The following CYP7B1 variants were observed in gnomAD, a reference collection of about 807,000 sequenced individuals.
CYP7B1 encodes the protein cytochrome P450 family 7 subfamily B member 1, also known as cytochrome P450 7B1.
CYP7B1 carries 29 observed loss-of-function variants against 42.7 expected under a neutral mutation model. That is an observed-to-expected ratio of 0.68 (90% confidence interval 0.51 to 0.93). CYP7B1 has a LOEUF of 0.93. Among genes scored for constraint, CYP7B1 ranks in the 40% least tolerant of loss-of-function variants. CYP7B1 has a pLI of 0.00. For missense variants in CYP7B1, 655 were observed against 600.5 expected (o/e 1.09, Z -0.95); for synonymous variants, 235 against 218.2 (o/e 1.08, Z -0.68).
intron 1 of CYP7B1, among the ~76,000 whole-genome samples, chr8:64,772,107 C>T (rs892118055): frequency 6.6e-6 from 1 of 152,208 alleles, no homozygotes; most frequent in African/African-American, 2.4e-5. Context: ...TACAGACTCT[C>T]AGCACCACCA....
chr8:64,715,651 GC>G (rs1807143897), intron 1 of CYP7B1, among the ~76,000 whole-genome samples: 1 of 150,256 alleles, frequency 6.7e-6, no homozygotes, highest in South Asian at 2.1e-4. Context: ...AAAATCACTG[GC>G]AACAGAGGGA....
chr8:64,778,547 G>A (rs1325208242), intron 1 of CYP7B1, among the ~76,000 whole-genome samples: 1 of 152,044 alleles, frequency 6.6e-6, no homozygotes, highest in African/African-American at 2.4e-5. Context: ...AATAGTAACT[G>A]CAGCGATGAC....
At chr8:64,751,203 A>C (rs1807720371) in intron 1 of CYP7B1, among the ~76,000 whole-genome samples, 1 of 152,188 alleles carries the variant, frequency 6.6e-6, no homozygotes, top group Non-Finnish European at 1.5e-5. Context: ...GAAGAAAATA[A>C]ATGTGACCTG....
At chr8:64,730,320 T>G (rs1458558493) in intron 1 of CYP7B1, among the ~76,000 whole-genome samples, 1 of 152,062 alleles carries the variant, frequency 6.6e-6, no homozygotes, top group Admixed American at 6.6e-5. Context: ...TCCACCCTCC[T>G]CAGGCTCCCA....
At chr8:64,754,957 AG>A (rs1807785020) in intron 1 of CYP7B1, among the ~76,000 whole-genome samples, 2 of 152,282 alleles carry the variant, frequency 1.3e-5, no homozygotes, top group South Asian at 4.1e-4. Flanking sequence ...CCAGAGGTGA[AG>A]TTTTCAAGGA....
chr8:64,691,121 A>G (rs1020884230), intron 1 of CYP7B1, among the ~76,000 whole-genome samples: 17 of 152,346 alleles, frequency 1.1e-4, no homozygotes, highest in African/African-American at 4.1e-4. Context: ...CTTCAACATT[A>G]TACAACATCC....
chr8:64,586,664 TTAAACAAAATTAAA>T, downstream of CYP7B1, among the ~76,000 whole-genome samples: 1 of 152,294 alleles, frequency 6.6e-6, no homozygotes, highest in South Asian at 2.1e-4. Flanking sequence ...AAAGGTGCCT[TTAAACAAAATTAAA>T]TGGCAAAACC....
At chr8:64,734,968 CT>C (rs1401590787) in intron 1 of CYP7B1, among the ~76,000 whole-genome samples, 2 of 152,114 alleles carry the variant, frequency 1.3e-5, no homozygotes, top group African/African-American at 4.8e-5. Context: ...CATCCCCAAA[CT>C]TTTTGGCACC....
chr8:64,709,742 C>T (rs974092129), intron 1 of CYP7B1, among the ~76,000 whole-genome samples: 1 of 152,098 alleles, frequency 6.6e-6, no homozygotes, highest in Non-Finnish European at 1.5e-5. Context: ...CAGTGTATAG[C>T]TTTTCAAAGG....
At chr8:64,622,352 T>C (rs1260628626) in intron 2 of CYP7B1, among the ~76,000 whole-genome samples, 1 of 152,072 alleles carries the variant, frequency 6.6e-6, no homozygotes. Context: ...TGAAGGAAGA[T>C]GTAAGGGTTG....
At chr8:64,663,774 TC>T (rs1554529460) in intron 1 of CYP7B1, among the ~76,000 whole-genome samples, 9 of 152,020 alleles carry the variant, frequency 5.9e-5, no homozygotes, top group Non-Finnish European at 1.2e-4. Context: ...CTCTCTTCAT[TC>T]TTTCTCTAAG....
At chr8:64,611,230 C>A (rs576642901) in intron 4 of CYP7B1, among the ~76,000 whole-genome samples, 2 of 152,198 alleles carry the variant, frequency 1.3e-5, no homozygotes, top group African/African-American at 4.8e-5. Context: ...TGGGCGTGGT[C>A]AGAAAACCTG....
chr8:64,673,387 C>T (rs1806395710), intron 1 of CYP7B1, among the ~76,000 whole-genome samples: 1 of 152,134 alleles, frequency 6.6e-6, no homozygotes, highest in South Asian at 2.1e-4. Flanking sequence ...GTTCCTTCCC[C>T]ATTAACGACT....
chr8:64,753,923 G>C (rs1807768719), intron 1 of CYP7B1, among the ~76,000 whole-genome samples: 1 of 152,208 alleles, frequency 6.6e-6, no homozygotes, highest in Admixed American at 6.5e-5. Flanking sequence ...AGAGGCCAGT[G>C]TGGTTGGTGC....
chr8:64,782,106 T>G (rs1435360568), intron 1 of CYP7B1, among the ~76,000 whole-genome samples: 1 of 152,130 alleles, frequency 6.6e-6, no homozygotes, highest in African/African-American at 2.4e-5. Context: ...TGGATCCATG[T>G]TCATTTTAGC....
chr8:64,726,924 A>C (rs1313575968), intron 1 of CYP7B1, among the ~76,000 whole-genome samples: 3 of 152,178 alleles, frequency 2.0e-5, no homozygotes, highest in Non-Finnish European at 2.9e-5. Context: ...CTTTGTGACA[A>C]GGGCAGAAAG....
chr8:64,687,856 G>A (rs185685515), intron 1 of CYP7B1, among the ~76,000 whole-genome samples: 9 of 152,204 alleles, frequency 5.9e-5, no homozygotes, highest in African/African-American at 1.4e-4. Flanking sequence ...AGCCTCGCTC[G>A]TTACTTATAG....
intron 1 of CYP7B1, among the ~76,000 whole-genome samples, chr8:64,707,243 T>C (rs1430779814): frequency 6.6e-6 from 1 of 152,050 alleles, no homozygotes; most frequent in Admixed American, 6.6e-5. Context: ...TTGGAGACAA[T>C]GTCATTTCCC....
intron 1 of CYP7B1, among the ~76,000 whole-genome samples, chr8:64,767,517 G>A (rs954785912): frequency 6.6e-6 from 1 of 152,140 alleles, no homozygotes; most frequent in African/African-American, 2.4e-5. Context: ...CTCCCCTCAG[G>A]ATGGCTAGCC....
Sources: allele counts gnomAD v4.1 joint callset (sites outside exome capture counted in the v4.1 genomes callset), GRCh38; gene constraint gnomAD v4.1.1; transcripts MANE v1.5; gene names NCBI Gene and HGNC (gene_info 2026-07-23, HGNC 2026-07-21).